Variants in RIPOR2 observed in about 807,000 individuals in gnomAD.
The protein encoded by RIPOR2 is rho family-interacting cell polarization regulator 2.
Under a neutral mutation model 114.5 loss-of-function variants are expected in RIPOR2, and 39 were observed. That is an observed-to-expected ratio of 0.34 (90% CI 0.26 to 0.44). RIPOR2 has a LOEUF of 0.44. Among genes scored for constraint, RIPOR2 ranks in the 20% least tolerant of loss-of-function variants. The pLI is 1.00. For synonymous variants in RIPOR2, 445 were observed against 484.4 expected (o/e 0.92, Z 1.07); for missense variants, 1,007 against 1,255.1 (o/e 0.80, Z 2.99).
intron 1 of RIPOR2, chr6:24,877,152 A>G (rs899241880): frequency 8.1e-5 from 80 of 985,274 alleles, no homozygotes; most frequent in Non-Finnish European, 9.4e-5. Flanking sequence ...CTGGTAGTAC[A>G]TCCAGATGTA....
At chr6:24,851,497 T>G (rs1216197539) in intron 9 of RIPOR2, among the ~76,000 whole-genome samples, 1 of 152,064 alleles carries the variant, frequency 6.6e-6, no homozygotes, top group Non-Finnish European at 1.5e-5. Flanking sequence ...GTGTGCAATA[T>G]CTCCTTGGTC....
chr6:25,009,635 G>A (rs1775698149), intron 1 of RIPOR2, among the ~76,000 whole-genome samples: 1 of 152,200 alleles, frequency 6.6e-6, no homozygotes, highest in Admixed American at 6.5e-5. Context: ...CAGCGGTTCA[G>A]TATGTATGGT....
At chr6:24,986,503 T>C (rs1209971331) in intron 1 of RIPOR2, among the ~76,000 whole-genome samples, 3 of 152,108 alleles carry the variant, frequency 2.0e-5, no homozygotes, top group East Asian at 3.8e-4. Context: ...GGTTATTTGA[T>C]GCTAATAAAG....
chr6:24,868,104 G>T (rs142178793), intron 6 of RIPOR2, among the ~76,000 whole-genome samples: 4 of 152,148 alleles, frequency 2.6e-5, no homozygotes, highest in African/African-American at 2.4e-5. Context: ...TTTCAGATTT[G>T]CCTAGGTAGT....
At chr6:24,852,729 T>C in intron 8 of RIPOR2, 111 bp from the exon 9 acceptor site, 1 of 780,940 alleles carries the variant, frequency 1.3e-6, no homozygotes, top group Non-Finnish European at 2.0e-6. Context: ...TTGTGCAAAC[T>C]CACATAACAC....
intron 15 of RIPOR2, among the ~76,000 whole-genome samples, chr6:24,834,625 G>A (rs569297844): frequency 2.0e-5 from 3 of 152,146 alleles, no homozygotes; most frequent in African/African-American, 7.2e-5. Context: ...GATCGAGACA[G>A]GTCTCTGAGA....
At chr6:24,839,966 T>C in intron 13 of RIPOR2, 2 of 733,262 alleles carry the variant, frequency 2.7e-6, no homozygotes, top group East Asian at 3.9e-4. Context: ...TTTTTTTTTT[T>C]TGAGACAAGG....
At chr6:24,827,051 G>T (rs1057238441) in intron 18 of RIPOR2, among the ~76,000 whole-genome samples, 3 of 152,238 alleles carry the variant, frequency 2.0e-5, no homozygotes, top group Non-Finnish European at 4.4e-5. Flanking sequence ...GCCTAGAGAT[G>T]TAAACTGCCA....
rs545602113 is a variant in RIPOR2 at position 24,915,910 on chromosome 6, G to A, written c.61+19928C>T. Among the ~76,000 whole-genome samples, 10 of 152,204 alleles carry A rather than the reference G, an allele frequency of 6.6e-5. No homozygotes were observed. In the East Asian group the frequency reaches 1.9e-3, roughly 29 times the overall value. On this transcript the variant is annotated intron_variant, in intron 1 of 21. Coordinates refer to ENST00000643898, the MANE Select transcript of RIPOR2 (RefSeq NM_001286445.3). ...CAGAAGCCTTCCCAGCTGCATCCCC[G>A]CCACTCTGCCATGCAGGCTCTCAGC...
chr6:24,924,636 C>T (rs1407323411), intron 1 of RIPOR2, among the ~76,000 whole-genome samples: 1 of 152,096 alleles, frequency 6.6e-6, no homozygotes, highest in African/African-American at 2.4e-5. Context: ...CAGATATTCT[C>T]TTTAAAAGAG....
chr6:24,862,759 C>T (rs1388218260), intron 7 of RIPOR2, among the ~76,000 whole-genome samples: 1 of 151,604 alleles, frequency 6.6e-6, no homozygotes, highest in African/African-American at 2.4e-5. Context: ...TAGGTTAAGA[C>T]TTGAGGACAT....
intron 1 of RIPOR2, among the ~76,000 whole-genome samples, chr6:24,930,495 G>A (rs754088563): frequency 6.6e-6 from 1 of 152,176 alleles, no homozygotes; most frequent in Non-Finnish European, 1.5e-5. Flanking sequence ...GTGGACTGGT[G>A]GCTAAGACAG....
intron 1 of RIPOR2, among the ~76,000 whole-genome samples, chr6:25,022,278 A>G (rs972617691): frequency 6.6e-6 from 1 of 152,116 alleles, no homozygotes; most frequent in Non-Finnish European, 1.5e-5. Context: ...TTTCTGTCCT[A>G]ATAGTTTTGT....
At chr6:25,009,563 G>A (rs1358963431) in intron 1 of RIPOR2, among the ~76,000 whole-genome samples, 10 of 152,098 alleles carry the variant, frequency 6.6e-5, no homozygotes, top group African/African-American at 1.7e-4. Flanking sequence ...CACAAAGCTC[G>A]TTACCACCCA....
chr6:24,808,809 G>A (rs1306585937), intron 21 of RIPOR2, among the ~76,000 whole-genome samples: 1 of 149,300 alleles, frequency 6.7e-6, no homozygotes, highest in Non-Finnish European at 1.5e-5. Context: ...ACCCAGGCTG[G>A]AATACAGTGG....
chr6:24,877,253 GAGA>G (rs1178577264), intron 1 of RIPOR2: 10 of 985,310 alleles, frequency 1.0e-5, no homozygotes, highest in South Asian at 4.7e-5. Context: ...TCCCCAGAGA[GAGA>G]AGGACAAACA....
chr6:24,857,506 T>G (rs1161223164), intron 8 of RIPOR2, among the ~76,000 whole-genome samples: 2 of 152,192 alleles, frequency 1.3e-5, no homozygotes, highest in African/African-American at 4.8e-5. Context: ...TTGCCTGCCT[T>G]CCTTTGCTCA....
intron 1 of RIPOR2, among the ~76,000 whole-genome samples, chr6:24,991,524 TC>T (rs1227412997): frequency 6.6e-6 from 1 of 152,134 alleles, no homozygotes; most frequent in Non-Finnish European, 1.5e-5. Flanking sequence ...TATGATTATG[TC>T]CCCCTGCTAG....
intron 1 of RIPOR2, among the ~76,000 whole-genome samples, chr6:24,928,232 T>C (rs1771110292): frequency 6.6e-6 from 1 of 152,208 alleles, no homozygotes; most frequent in Non-Finnish European, 1.5e-5. Context: ...AAGAGTTTGT[T>C]TTTCCTAATA....
Sources: gnomAD v4.1 joint callset for allele counts (sites outside exome capture counted in the v4.1 genomes callset) on GRCh38, gnomAD v4.1.1 for gene constraint, MANE v1.5 for transcripts, NCBI Gene and HGNC (gene_info 2026-07-23, HGNC 2026-07-21) for gene names.